Variants in SLC5A11 observed in about 807,000 individuals in gnomAD.
The protein encoded by SLC5A11 is solute carrier family 5 member 11.
SLC5A11 carries 48 observed loss-of-function variants against 69.8 expected under a neutral mutation model. The observed-to-expected ratio is 0.69, with a 90% confidence interval of 0.55 to 0.87. The LOEUF (loss-of-function observed/expected upper bound fraction) is 0.87. SLC5A11 is among the 40% of genes least tolerant of loss of function. SLC5A11 has a pLI of 0.00. For missense variants in SLC5A11, 784 were observed against 866.1 expected (o/e 0.91, Z 1.19); for synonymous variants, 319 against 342.4 (o/e 0.93, Z 0.75).
chr16:24,905,483 A>T (rs1267773231), intron 10 of SLC5A11, among the ~76,000 whole-genome samples: 1 of 151,672 alleles, frequency 6.6e-6, no homozygotes, highest in African/African-American at 2.4e-5. Context: ...AATTAAAGAA[A>T]AAGAAATTAG....
chr16:24,849,596 AT>A lies in SLC5A11; in HGVS notation c.-25+3159del, dbSNP rs1567553361. On this transcript the variant is annotated intron_variant, in intron 1 of 15. Coordinates refer to ENST00000347898, the Ensembl canonical transcript of SLC5A11. ...GCAAAAAAAAAAAAAAAAAAAAAAT[AT>A]ATATATATATATATATATATATATA... 2.6e-3 allele frequency among the ~76,000 whole-genome samples: 215 copies of A among 81,304 alleles called. 1 individual carries two copies. Among genetic ancestry groups the A allele is most frequent in the African/African-American group, 0.011 (205 of 18,102 alleles). 53.3% of individuals were successfully genotyped at this position (81,304 alleles called of 152,430 possible).
chr16:24,846,175 C>G (rs904547925), exon 1 of SLC5A11: 1 of 152,528 alleles, frequency 6.6e-6, no homozygotes, highest in Admixed American at 6.5e-5. Context: ...GGGCTGGGCC[C>G]CGTTCTCTCT....
At chr16:24,901,952 A>ACG (rs1555532953) in intron 10 of SLC5A11, among the ~76,000 whole-genome samples, 7 of 133,586 alleles carry the variant, frequency 5.2e-5, no homozygotes, top group Non-Finnish European at 7.8e-5. Context: ...ACACACACAC[A>ACG]CACACGCACA....
At chr16:24,911,183 AAAAG>A (rs1291661587) in intron 15 of SLC5A11, 141 bp from the exon 17 acceptor site, 2 of 740,270 alleles carry the variant, frequency 2.7e-6, no homozygotes, top group South Asian at 3.7e-5. Flanking sequence ...AAAAAAAAAA[AAAAG>A]GGAGATTTCA....
exon 12 of SLC5A11, chr16:24,907,054 G>T: frequency 6.2e-7 from 1 of 1,614,132 alleles, no homozygotes; most frequent in Non-Finnish European, 8.5e-7. Flanking sequence ...GGCTGTGATG[G>T]TGGCGGCTCT....
exon 15 of SLC5A11, chr16:24,910,430 G>C (rs972960193): frequency 2.5e-6 from 4 of 1,614,140 alleles, no homozygotes; most frequent in African/African-American, 2.7e-5. Flanking sequence ...AGCAGCAGCA[G>C]CGTCCAGTTC....
At chr16:24,907,434 T>C (rs1221018204) in intron 12 of SLC5A11, among the ~76,000 whole-genome samples, 1 of 152,092 alleles carries the variant, frequency 6.6e-6, no homozygotes, top group Non-Finnish European at 1.5e-5. Context: ...TTAACCCAGC[T>C]GGGCGAGGTG....
At chr16:24,887,733 T>A (rs1270755576) in intron 8 of SLC5A11, among the ~76,000 whole-genome samples, 1 of 152,176 alleles carries the variant, frequency 6.6e-6, no homozygotes, top group Non-Finnish European at 1.5e-5. Flanking sequence ...GTTTTTCTCT[T>A]CCTTAGCTAT....
chr16:24,910,370 C>G, exon 15 of SLC5A11: 1 of 1,614,112 alleles, frequency 6.2e-7, no homozygotes, highest in Non-Finnish European at 8.5e-7. Context: ...GCACCACCAG[C>G]AGCTCCCTTG....
At chr16:24,904,996 G>A (rs756260366) in intron 10 of SLC5A11, among the ~76,000 whole-genome samples, 5 of 151,664 alleles carry the variant, frequency 3.3e-5, no homozygotes, top group African/African-American at 4.9e-5. Context: ...GTGTCCATGT[G>A]TTCTTATTGT....
At chr16:24,909,361 G>T (rs1387771332) in intron 14 of SLC5A11, among the ~76,000 whole-genome samples, 2 of 152,040 alleles carry the variant, frequency 1.3e-5, no homozygotes, top group Non-Finnish European at 2.9e-5. Flanking sequence ...ACATAAGGCT[G>T]GGGTGCGGTG....
intron 7 of SLC5A11, among the ~76,000 whole-genome samples, chr16:24,879,525 T>A (rs1440950686): frequency 6.6e-6 from 1 of 152,158 alleles, no homozygotes; most frequent in African/African-American, 2.4e-5. Context: ...TCACCTGAGG[T>A]CAGGAGTTCC....
chr16:24,869,004 A>G (rs1198762096), intron 3 of SLC5A11, among the ~76,000 whole-genome samples: 2 of 151,294 alleles, frequency 1.3e-5, no homozygotes, highest in Non-Finnish European at 2.9e-5. Flanking sequence ...AATAGCTGGG[A>G]TTATAGGCAT....
At chr16:24,869,012 C>T (rs747884839) in intron 3 of SLC5A11, among the ~76,000 whole-genome samples, 19 of 152,010 alleles carry the variant, frequency 1.2e-4, no homozygotes, top group Non-Finnish European at 2.6e-4. Context: ...GGATTATAGG[C>T]ATGTGTCACC....
At chr16:24,884,195 T>G (rs1017636095) in intron 8 of SLC5A11, 64 bp downstream of exon 9, 7 of 1,503,126 alleles carry the variant, frequency 4.7e-6, no homozygotes, top group African/African-American at 1.4e-5. Flanking sequence ...GGATATCTGC[T>G]CTCCACACTG....
chr16:24,851,308 T>C (rs1201631300), intron 1 of SLC5A11, among the ~76,000 whole-genome samples: 3 of 142,956 alleles, frequency 2.1e-5, no homozygotes, highest in Non-Finnish European at 3.1e-5. Flanking sequence ...AGGTCAGGAG[T>C]TCAAGACCAG....
At chr16:24,847,295 TTTTC>T (rs59941163) in intron 1 of SLC5A11, among the ~76,000 whole-genome samples, 72 of 145,260 alleles carry the variant, frequency 5.0e-4, no homozygotes, top group East Asian at 7.9e-4. Flanking sequence ...CTTTTCCCTT[TTTTC>T]TTTCTTTCTT....
intron 1 of SLC5A11, among the ~76,000 whole-genome samples, chr16:24,853,662 G>A (rs975784076): frequency 8.4e-4 from 128 of 152,204 alleles, no homozygotes; most frequent in African/African-American, 2.9e-3. Context: ...GATCCCACCC[G>A]CGGCACTGAC....
At chr16:24,872,607 A>G (rs980087237) in intron 5 of SLC5A11, among the ~76,000 whole-genome samples, 9 of 152,014 alleles carry the variant, frequency 5.9e-5, no homozygotes, top group African/African-American at 2.2e-4. Context: ...CAGTGGTGCA[A>G]TCTTGGCTCA....
Sources: gnomAD v4.1 joint callset for allele counts (sites outside exome capture counted in the v4.1 genomes callset) on GRCh38, gnomAD v4.1.1 for gene constraint, MANE v1.5 for transcripts, NCBI Gene and HGNC (gene_info 2026-07-23, HGNC 2026-07-21) for gene names.